The following ASPH variants were observed in gnomAD, a reference collection of about 807,000 sequenced individuals.
ASPH encodes aspartyl/asparaginyl beta-hydroxylase.
Under a neutral mutation model 118.4 loss-of-function variants are expected in ASPH, and 100 were observed. The observed-to-expected ratio is 0.84, with a 90% CI of 0.72 to 1.00. ASPH has a LOEUF of 1.00. Among genes scored for constraint, ASPH ranks in the 50% least tolerant of loss-of-function variants. The probability of loss-of-function intolerance (pLI) is 0.00; values close to 1 mark genes in which losing one functional copy is unlikely to be tolerated. For missense variants in ASPH, 920 were observed against 919.5 expected (o/e 1.00, Z -0.01); for synonymous variants, 315 against 325.6 (o/e 0.97, Z 0.35).
At chr8:61,687,816 T>A (rs1831124109) in intron 1 of ASPH, 1 of 152,230 alleles carries the variant, frequency 6.6e-6, no homozygotes, top group Non-Finnish European at 1.5e-5. Context: ...AACTAGAATA[T>A]ATTATCAGCA....
chr8:61,639,864 C>A (rs973813509), intron 10 of ASPH, among the ~76,000 whole-genome samples: 2 of 152,292 alleles, frequency 1.3e-5, no homozygotes, highest in Non-Finnish European at 2.9e-5. Context: ...AAAAGAGCAC[C>A]CCCTGTCACC....
chr8:61,686,913 C>T (rs574414710), intron 1 of ASPH, among the ~76,000 whole-genome samples: 22 of 152,068 alleles, frequency 1.4e-4, no homozygotes, highest in Admixed American at 4.6e-4. Context: ...TTCATTCATC[C>T]AACATTTTTA....
At chr8:61,526,949 C>T (rs1040304056) in intron 21 of ASPH, among the ~76,000 whole-genome samples, 4 of 152,196 alleles carry the variant, frequency 2.6e-5, no homozygotes, top group Non-Finnish European at 4.4e-5. Flanking sequence ...AGCTTTCCTA[C>T]TTCAGGACAG....
intron 14 of ASPH, among the ~76,000 whole-genome samples, chr8:61,590,155 C>T (rs191772236): frequency 8.0e-4 from 121 of 152,102 alleles, no homozygotes; most frequent in African/African-American, 2.7e-3. Flanking sequence ...AGAATTTCAG[C>T]TTTCTAGAAT....
chr8:61,545,568 A>G (rs1586842561), intron 21 of ASPH, among the ~76,000 whole-genome samples: 1 of 152,216 alleles, frequency 6.6e-6, no homozygotes, highest in African/African-American at 2.4e-5. Context: ...TGGGGAACAT[A>G]GCTTTGGTAG....
intron 19 of ASPH, among the ~76,000 whole-genome samples, chr8:61,553,586 C>T (rs984501230): frequency 1.6e-5 from 2 of 127,884 alleles, no homozygotes; most frequent in African/African-American, 2.9e-5. Flanking sequence ...ACAAATGTGT[C>T]CTTACCTTTT....
At chr8:61,630,921 A>C (rs1029825338) in intron 13 of ASPH, among the ~76,000 whole-genome samples, 2 of 152,158 alleles carry the variant, frequency 1.3e-5, no homozygotes, top group African/African-American at 4.8e-5. Flanking sequence ...ACACATGAAG[A>C]CCTTTCAATG....
chr8:61,648,308 G>A (rs927463799), intron 5 of ASPH, among the ~76,000 whole-genome samples: 1 of 152,160 alleles, frequency 6.6e-6, no homozygotes, highest in Admixed American at 6.5e-5. Context: ...ACTGCAAGAA[G>A]CCTTCCTTAG....
At chr8:61,578,699 G>T in intron 15 of ASPH, 1 of 1,607,674 alleles carries the variant, frequency 6.2e-7, no homozygotes. Flanking sequence ...AGAAGCTGAA[G>T]CTGGAGGCGG....
At chr8:61,518,742 A>G (rs1811839776) in intron 22 of ASPH, among the ~76,000 whole-genome samples, 1 of 152,214 alleles carries the variant, frequency 6.6e-6, no homozygotes, top group Non-Finnish European at 1.5e-5. Flanking sequence ...ATGGCCTGCA[A>G]CTACAGGTAC....
At chr8:61,555,863 T>A in intron 19 of ASPH, 61 bp downstream of exon 19, 1 of 1,412,496 alleles carries the variant, frequency 7.1e-7, no homozygotes, top group South Asian at 1.2e-5. Flanking sequence ...AATAAGCAAG[T>A]GTGTCCCAAT....
intron 5 of ASPH, among the ~76,000 whole-genome samples, chr8:61,648,966 G>GT (rs1358979153): frequency 1.3e-5 from 2 of 152,308 alleles, no homozygotes; most frequent in East Asian, 3.9e-4. Flanking sequence ...TGCTAAAGCA[G>GT]TGATAGGCTT....
At chr8:61,651,485 A>G (rs763628860) in intron 4 of ASPH, 49 of 190,722 alleles carry the variant, frequency 2.6e-4, no homozygotes, top group Non-Finnish European at 4.6e-4. Flanking sequence ...CAAAGCTTTC[A>G]TAAAGGGAAA....
intron 1 of ASPH, among the ~76,000 whole-genome samples, chr8:61,706,497 AAAGAAAG>A (rs1367352236): frequency 7.9e-5 from 12 of 151,730 alleles, no homozygotes; most frequent in Non-Finnish European, 5.9e-5. Context: ...AAAGAAGAAA[AAAGAAAG>A]AAGAAAGAAG....
intron 18 of ASPH, among the ~76,000 whole-genome samples, chr8:61,561,263 T>A (rs965420041): frequency 6.6e-6 from 1 of 152,212 alleles, no homozygotes; most frequent in Non-Finnish European, 1.5e-5. Flanking sequence ...AGGTATATGA[T>A]GCTTCTCTTA....
At chr8:61,505,291 C>T (rs138169422) in intron 24 of ASPH, among the ~76,000 whole-genome samples, 13,108 of 152,030 alleles carry the variant, frequency 0.086, 640 homozygotes, top group Non-Finnish European at 0.12. Flanking sequence ...GTCAGGGGTT[C>T]GAGGCCAGCC....
intron 1 of ASPH, among the ~76,000 whole-genome samples, chr8:61,709,481 A>G (rs1837548484): frequency 6.6e-6 from 1 of 152,170 alleles, no homozygotes. Flanking sequence ...TCACACCCAC[A>G]TGTGCAGTGC....
In ASPH at chr8:61,695,190, C is replaced by T. The variant is rs544596170; in HGVS notation, c.104-11002G>A. Among the ~76,000 whole-genome samples the T allele has an allele frequency of 4.5e-4, 69 of 152,346 alleles. 1 individual carries two copies. In the Middle Eastern group the frequency reaches 0.027, roughly 60 times the overall value. Reference sequence around the variant, plus strand: ...ATCAAAATCCAAGTTATCATCATCTCCTAGGTGATTTCAATAACTTAGCAT... The same window carrying T: ...ATCAAAATCCAAGTTATCATCATCTTCTAGGTGATTTCAATAACTTAGCAT... On this transcript the variant is annotated intron_variant, in intron 1 of 24. Coordinates refer to ENST00000379454, the MANE Select transcript of ASPH (RefSeq NM_004318.4).
At chr8:61,638,094 AACTCGTGTCC>A (rs769396501) in intron 11 of ASPH, 91 bp from the exon 12 acceptor site, 4 of 1,339,382 alleles carry the variant, frequency 3.0e-6, no homozygotes, top group Non-Finnish European at 4.1e-6. Flanking sequence ...TTCCTAAATT[AACTCGTGTCC>A]ACTCAGATTG....
Sources: gnomAD v4.1 joint callset for allele counts (sites outside exome capture counted in the v4.1 genomes callset) on GRCh38, gnomAD v4.1.1 for gene constraint, MANE v1.5 for transcripts, NCBI Gene and HGNC (gene_info 2026-07-23, HGNC 2026-07-21) for gene names.